EGFLAM: variants seen among roughly 807,000 people sequenced by gnomAD.
EGFLAM encodes the protein EGF like, fibronectin type III and laminin G domains.
EGFLAM carries 79 observed loss-of-function variants against 113.1 expected under a neutral mutation model. The observed-to-expected ratio is 0.70, with a 90% confidence interval of 0.58 to 0.84. The LOEUF (loss-of-function observed/expected upper bound fraction) is 0.84. EGFLAM is among the 40% of genes least tolerant of loss of function. The probability of loss-of-function intolerance (pLI) is 0.00; values close to 1 mark genes in which losing one functional copy is unlikely to be tolerated. For synonymous variants in EGFLAM, 504 were observed against 487.6 expected (o/e 1.03, Z -0.44); for missense variants, 1,265 against 1,291.6 (o/e 0.98, Z 0.32).
intron 20 of EGFLAM, among the ~76,000 whole-genome samples, chr5:38,459,465 T>C (rs191228067): frequency 6.6e-6 from 1 of 152,356 alleles, no homozygotes; most frequent in East Asian, 1.9e-4. Context: ...ATAGTTTTAC[T>C]ATTAATACCT....
intron 1 of EGFLAM, among the ~76,000 whole-genome samples, chr5:38,299,938 C>T (rs943493736): frequency 3.9e-5 from 6 of 152,144 alleles, no homozygotes; most frequent in Non-Finnish European, 5.9e-5. Context: ...ACTCTGTTTT[C>T]TGCTGCCATA....
At chr5:38,287,531 C>T (rs903927863) in intron 1 of EGFLAM, among the ~76,000 whole-genome samples, 1 of 152,194 alleles carries the variant, frequency 6.6e-6, no homozygotes. Flanking sequence ...ACCACCATGC[C>T]TAGCCAAGTT....
At chr5:38,261,658 G>T (rs972812406) in intron 1 of EGFLAM, among the ~76,000 whole-genome samples, 1 of 152,226 alleles carries the variant, frequency 6.6e-6, no homozygotes, top group African/African-American at 2.4e-5. Flanking sequence ...AGATATTGGA[G>T]CCTAGGTGGA....
At position 38,445,788 on chromosome 5, in the gene EGFLAM, G is replaced by A. The variant is rs996549299; in HGVS notation, c.2465-2513G>A. The A allele has an allele frequency of 5.6e-6, 8 of 1,416,212 alleles. No homozygotes were observed. In the Admixed American group the frequency reaches 1.0e-4, roughly 18 times the overall value. The allele number at this position is 1,416,212 out of a possible 1,614,324, so 87.7% of individuals were successfully genotyped here. A position where few individuals can be genotyped will look rare whatever the true frequency, so the allele number is the denominator to read the frequency against. On this transcript the variant is annotated intron_variant, in intron 17 of 21. Coordinates refer to ENST00000322350, the MANE Select transcript of EGFLAM (RefSeq NM_152403.4). ...GCATGCAGGGGGACCCGGGGTGAGT[G>A]GTGTGGGAGCTGGGACATGCCTACG...
rs201222801 is a variant in EGFLAM, at chr5:38,458,442, G to A, written c.2771+48G>A. 136 of 1,584,738 alleles carry A rather than the reference G, an allele frequency of 8.6e-5. No individual in the cohort carries two copies. In the African/African-American group the frequency reaches 1.7e-3, roughly 20 times the overall value. On this transcript the variant is annotated intron_variant, in intron 20 of 21. Transcript: ENST00000322350. ...GGCAGAGCCAGAGCTGAGCAGTGGT[G>A]GGATGTGGTGTCCAGTTCCCTTGTA...
chr5:38,454,353 C>A (rs762689769), intron 19 of EGFLAM, among the ~76,000 whole-genome samples: 2 of 147,532 alleles, frequency 1.4e-5, no homozygotes, highest in Non-Finnish European at 2.9e-5. Flanking sequence ...CATGCCTGAT[C>A]CCCCACGTGG....
intron 3 of EGFLAM, among the ~76,000 whole-genome samples, chr5:38,340,426 T>G (rs939279135): frequency 2.0e-4 from 31 of 152,220 alleles, no homozygotes; most frequent in Non-Finnish European, 8.8e-5. Flanking sequence ...CATTAGAGTA[T>G]GCTATCAAAT....
At chr5:38,288,378 T>A (rs1374659062) in intron 1 of EGFLAM, among the ~76,000 whole-genome samples, 1 of 152,198 alleles carries the variant, frequency 6.6e-6, no homozygotes, top group Admixed American at 6.5e-5. Context: ...GGAAAAAACA[T>A]ATTGCCAGGA....
chr5:38,435,105 C>A, intron 15 of EGFLAM, 32 bp from the exon 16 acceptor site: 3 of 1,578,868 alleles, frequency 1.9e-6, no homozygotes, highest in South Asian at 2.2e-5. Context: ...GTTTTAAAGT[C>A]ATACAATGCT....
At chr5:38,439,301 G>A (rs1372973456) in intron 17 of EGFLAM, among the ~76,000 whole-genome samples, 2 of 151,690 alleles carry the variant, frequency 1.3e-5, no homozygotes, top group East Asian at 3.9e-4. Flanking sequence ...CACGGCCCTG[G>A]TATCTAGAAT....
At chr5:38,279,853 T>C (rs1324139157) in intron 1 of EGFLAM, among the ~76,000 whole-genome samples, 1 of 152,188 alleles carries the variant, frequency 6.6e-6, no homozygotes, top group Non-Finnish European at 1.5e-5. Flanking sequence ...TGAAAAATGC[T>C]AAGAGTAGAT....
intron 1 of EGFLAM, among the ~76,000 whole-genome samples, chr5:38,308,034 T>A (rs1218481687): frequency 6.6e-6 from 1 of 152,204 alleles, no homozygotes; most frequent in Non-Finnish European, 1.5e-5. Flanking sequence ...CACCATACTG[T>A]TGTGTGGGAA....
At chr5:38,409,866 G>C (rs893481325) in intron 10 of EGFLAM, among the ~76,000 whole-genome samples, 6 of 152,138 alleles carry the variant, frequency 3.9e-5, no homozygotes, top group African/African-American at 1.2e-4. Flanking sequence ...GGTCTTCCTG[G>C]GGGGCAGAGT....
chr5:38,318,611 G>A (rs1184044262), intron 1 of EGFLAM, among the ~76,000 whole-genome samples: 4 of 151,870 alleles, frequency 2.6e-5, no homozygotes, highest in African/African-American at 2.4e-5. Context: ...AGGTTCAAGC[G>A]ATTCACCTGC....
chr5:38,280,055 G>T (rs13359140), intron 1 of EGFLAM, among the ~76,000 whole-genome samples: 2 of 151,926 alleles, frequency 1.3e-5, no homozygotes, highest in African/African-American at 2.4e-5. Flanking sequence ...GATGAAGAGA[G>T]GGACAGATTG....
intron 17 of EGFLAM, among the ~76,000 whole-genome samples, chr5:38,441,593 T>TACACACACACAC (rs3048229): frequency 0.011 from 1,691 of 147,632 alleles, 25 homozygotes; most frequent in Middle Eastern, 0.024. Flanking sequence ...CGCTGCTTTG[T>TACACACACACAC]ACACACACAC....
intron 12 of EGFLAM, among the ~76,000 whole-genome samples, chr5:38,420,254 T>C (rs1741781287): frequency 6.6e-6 from 1 of 152,224 alleles, no homozygotes; most frequent in Admixed American, 6.5e-5. Flanking sequence ...GTTATAACTA[T>C]AAAAGATGAA....
At chr5:38,275,130 A>G (rs1417400560) in intron 1 of EGFLAM, among the ~76,000 whole-genome samples, 2 of 152,226 alleles carry the variant, frequency 1.3e-5, no homozygotes, top group Non-Finnish European at 1.5e-5. Flanking sequence ...AAATACTACC[A>G]GGGAAAACTA....
intron 10 of EGFLAM, among the ~76,000 whole-genome samples, chr5:38,411,483 C>CTTT (rs759299989): frequency 1.5e-4 from 17 of 113,408 alleles, no homozygotes; most frequent in Non-Finnish European, 2.1e-4. Flanking sequence ...TCATTAATTT[C>CTTT]TTTTTTTTTT....
Sources: gnomAD v4.1 joint callset for allele counts (sites outside exome capture counted in the v4.1 genomes callset) on GRCh38, gnomAD v4.1.1 for gene constraint, MANE v1.5 for transcripts, NCBI Gene and HGNC (gene_info 2026-07-23, HGNC 2026-07-21) for gene names.